Variants in CCDC66 observed in about 807,000 individuals in gnomAD.
CCDC66 encodes the protein coiled-coil domain containing 66.
Under a neutral mutation model 128.3 loss-of-function variants are expected in CCDC66, and 133 were observed. That is an observed-to-expected ratio of 1.04 (90% CI 0.90 to 1.20). The LOEUF (loss-of-function observed/expected upper bound fraction) is 1.20, where lower values mean the gene tolerates loss of function less well. Ranked by LOEUF, CCDC66 falls within the 50% of genes most tolerant of loss-of-function variation. The pLI is 0.00. For missense variants in CCDC66, 1,126 were observed against 1,075.5 expected (o/e 1.05, Z -0.66); for synonymous variants, 387 against 357.0 (o/e 1.08, Z -0.95).
chr3:56,597,059 C>T (rs1038491795), intron 10 of CCDC66, among the ~76,000 whole-genome samples: 4 of 151,748 alleles, frequency 2.6e-5, no homozygotes, highest in African/African-American at 7.3e-5. Flanking sequence ...CACACCAGCC[C>T]TTGAATTGTT....
intron 5 of CCDC66, 88 bp from the exon 6 acceptor site, chr3:56,566,862 A>G (rs1479569055): frequency 6.8e-7 from 1 of 1,471,302 alleles, no homozygotes; most frequent in African/African-American, 1.4e-5. Flanking sequence ...ACTTAGAGCT[A>G]TTTAAAAGCT....
At chr3:56,586,015 A>G (rs1046261431) in intron 7 of CCDC66, among the ~76,000 whole-genome samples, 3 of 151,884 alleles carry the variant, frequency 2.0e-5, no homozygotes, top group African/African-American at 7.2e-5. Flanking sequence ...TTAAAAGACT[A>G]GTACATACAT....
chr3:56,608,357 G>T (rs1297315957), intron 10 of CCDC66, among the ~76,000 whole-genome samples: 3 of 152,122 alleles, frequency 2.0e-5, no homozygotes, highest in African/African-American at 7.2e-5. Flanking sequence ...AGCTAGGAGG[G>T]TTGTATTTTT....
At chr3:56,584,388 G>A (rs1354880140) in intron 7 of CCDC66, among the ~76,000 whole-genome samples, 13 of 149,204 alleles carry the variant, frequency 8.7e-5, no homozygotes, top group South Asian at 4.3e-4. Flanking sequence ...GGCGGCTGCC[G>A]GGTGGAGGGG....
chr3:56,607,741 C>T (rs2074268975), intron 10 of CCDC66, among the ~76,000 whole-genome samples: 1 of 152,144 alleles, frequency 6.6e-6, no homozygotes. Flanking sequence ...ATGCTTTCAA[C>T]TTTTCCCCAT....
chr3:56,620,457 A>C (rs991120602), intron 17 of CCDC66: 1 of 152,448 alleles, frequency 6.6e-6, no homozygotes, highest in Non-Finnish European at 1.5e-5. Flanking sequence ...GGGCTTTAAA[A>C]AGAATGGCTG....
intron 15 of CCDC66, 154 bp from the exon 16 acceptor site, chr3:56,619,117 C>G: frequency 1.7e-6 from 1 of 590,740 alleles, no homozygotes; most frequent in Non-Finnish European, 2.8e-6. Flanking sequence ...ACTTGGGAGG[C>G]TGAAGCAGGA....
At chr3:56,559,015 A>T in intron 2 of CCDC66, 105 bp downstream of exon 2, 1 of 813,954 alleles carries the variant, frequency 1.2e-6, no homozygotes, top group Non-Finnish European at 1.9e-6. Context: ...TATTTAAATG[A>T]TATTTTAGAA....
intron 10 of CCDC66, among the ~76,000 whole-genome samples, chr3:56,606,194 A>G (rs2074043401): frequency 6.6e-6 from 1 of 152,046 alleles, no homozygotes; most frequent in Non-Finnish European, 1.5e-5. Context: ...TCAGTGGATC[A>G]TAGCTTGCTG....
chr3:56,590,423 C>G (rs2070669821), intron 7 of CCDC66, among the ~76,000 whole-genome samples: 1 of 152,124 alleles, frequency 6.6e-6, no homozygotes, highest in Admixed American at 6.5e-5. Flanking sequence ...TCTGTAACAT[C>G]AGGAACTATT....
intron 7 of CCDC66, among the ~76,000 whole-genome samples, chr3:56,583,693 A>C (rs563497255): frequency 6.7e-6 from 1 of 149,918 alleles, no homozygotes; most frequent in Non-Finnish European, 1.5e-5. Flanking sequence ...TCCTATGTCT[A>C]CTTCTTTCTA....
chr3:56,590,751 A>G (rs2070735226), intron 7 of CCDC66, among the ~76,000 whole-genome samples: 1 of 148,752 alleles, frequency 6.7e-6, no homozygotes, highest in African/African-American at 2.5e-5. Context: ...ACCCTGCCTA[A>G]AAAAAAAAAA....
chr3:56,603,475 G>A (rs945850247), intron 10 of CCDC66, among the ~76,000 whole-genome samples: 1 of 151,828 alleles, frequency 6.6e-6, no homozygotes, highest in African/African-American at 2.4e-5. Flanking sequence ...CATAGATTTT[G>A]GTACGTTGTC....
intron 4 of CCDC66, 132 bp from the exon 5 acceptor site, chr3:56,566,462 G>A (rs376754094): frequency 3.6e-6 from 2 of 554,628 alleles, no homozygotes; most frequent in Admixed American, 3.5e-5. Context: ...AAACTTAATG[G>A]CTACCTCAAG....
Position 56,613,671 on chromosome 3 carries a change from A to G in CCDC66, c.1487A>G (p.Glu496Gly). 1 of 1,614,130 alleles carries G rather than the reference A, an allele frequency of 6.2e-7. No individual in the cohort carries two copies. The highest frequency in any genetic ancestry group is 8.5e-7 in the Non-Finnish European group (1 of 1,179,974). The change falls in exon 11 of 18, where the codon GAG becomes GGG. Residue 496 changes from glutamate (E) to glycine (G), a missense_variant. Transcript: ENST00000394672. ...EEQRKKEEQE[E>G]ELRLAQEREE... is the part of the protein sequence containing the mutation. ...CAAAGAAAGAAGGAAGAACAAGAAGAGGAGCTTCGCTTAGCACAGGAACGT... is the reference window on the plus strand; with the variant it reads ...CAAAGAAAGAAGGAAGAACAAGAAGGGGAGCTTCGCTTAGCACAGGAACGT...
At chr3:56,575,440 G>GT (rs1330746132) in intron 7 of CCDC66, among the ~76,000 whole-genome samples, 6 of 151,570 alleles carry the variant, frequency 4.0e-5, no homozygotes, top group Non-Finnish European at 5.9e-5. Context: ...GTTTTTTGGG[G>GT]GTTTTTTTGT....
intron 10 of CCDC66, among the ~76,000 whole-genome samples, chr3:56,604,379 C>T (rs1008488755): frequency 6.6e-6 from 1 of 151,942 alleles, no homozygotes; most frequent in African/African-American, 2.4e-5. Flanking sequence ...TGTCGATGGT[C>T]TTTACAATTT....
At position 56,619,107 on chromosome 3, in the gene CCDC66, A is replaced by C; in HGVS notation, c.2379-164A>C. ...GTGGCGTGCGCCTGTAATCCCAGCTACTTGGGAGGCTGAAGCAGGAGAGTT... is the reference window on the plus strand; with the variant it reads ...GTGGCGTGCGCCTGTAATCCCAGCTCCTTGGGAGGCTGAAGCAGGAGAGTT... On this transcript the variant is annotated intron_variant, in intron 15 of 17. Transcript: ENST00000394672. 3 of 566,986 alleles carry C rather than the reference A, an allele frequency of 5.3e-6. No individual in the cohort carries two copies. In the South Asian group the frequency reaches 7.4e-5, roughly 14 times the overall value. The allele number at this position is 566,986 out of a possible 1,614,324, so 35.1% of individuals were successfully genotyped here.
chr3:56,589,725 A>G (rs951661350), intron 7 of CCDC66, among the ~76,000 whole-genome samples: 2 of 152,188 alleles, frequency 1.3e-5, no homozygotes, highest in Non-Finnish European at 2.9e-5. Context: ...AGTTAATATT[A>G]TAAAATAGAG....
Sources: allele counts gnomAD v4.1 joint callset (sites outside exome capture counted in the v4.1 genomes callset), GRCh38; gene constraint gnomAD v4.1.1; transcripts MANE v1.5; gene names NCBI Gene and HGNC (gene_info 2026-07-23, HGNC 2026-07-21).